VRK3: variants seen among roughly 807,000 people sequenced by gnomAD.
The protein encoded by VRK3 is VRK serine/threonine kinase 3, also known as serine/threonine-protein kinase VRK3.
Under a neutral mutation model 60.4 loss-of-function variants are expected in VRK3, and 50 were observed. The ratio of observed to expected loss-of-function variants is 0.83; its 90% CI spans 0.66 to 1.05. The LOEUF is 1.05. Ranked by LOEUF, VRK3 falls within the 50% of genes least tolerant of loss-of-function variation. The pLI is 0.00. For missense variants in VRK3, 549 were observed against 585.3 expected, an observed-to-expected ratio of 0.94 and a Z score of 0.64; for synonymous variants, 246 against 227.8, an observed-to-expected ratio of 1.08 and a Z score of -0.72.
chr19:50,009,373 CCT>C lies in VRK3; in HGVS notation c.150_151del (p.Gly51AlafsTer6), dbSNP rs1568806997. 4 of 1,613,598 alleles carry C rather than the reference CCT, an allele frequency of 2.5e-6. No individual in the cohort carries two copies. Among genetic ancestry groups the C allele is most frequent in the Non-Finnish European group, 3.4e-6 (4 of 1,179,802 alleles). On this transcript the variant is annotated frameshift_variant, in exon 4 of 15. Transcript: ENST00000316763. LOFTEE classifies it high-confidence loss of function. ...AGAGGTTTCAAAACTGGAGTTCAGC[CCT>C]CTCTTTGAGCCTAAAGAAAGGCAGA...
At chr19:49,993,047 T>G in intron 9 of VRK3, 95 bp from the exon 10 acceptor site, 1 of 1,166,140 alleles carries the variant, frequency 8.6e-7, no homozygotes, top group Non-Finnish European at 1.3e-6. Flanking sequence ...TATTAAGGCC[T>G]GGGGTTGTCC....
chr19:50,007,311 C>T (rs981000163), intron 5 of VRK3, among the ~76,000 whole-genome samples: 1 of 102,482 alleles, frequency 9.8e-6, no homozygotes, highest in Non-Finnish European at 1.9e-5. Flanking sequence ...GAGGGGCACA[C>T]TTCACACAGG....
intron 2 of VRK3, among the ~76,000 whole-genome samples, chr19:50,019,715 C>CTTTTTTTTTTTTTTTTTTTTTTTTTT (rs1225686835): frequency 2.0e-5 from 1 of 50,328 alleles, no homozygotes; most frequent in Non-Finnish European, 4.0e-5. Flanking sequence ...TTTTTTTTTA[C>CTTTTTTTTTTTTTTTTTTTTTTTTTT]TTTTTGTAGA....
At position 50,000,857 on chromosome 19, in the gene VRK3, G is replaced by A. The variant is rs1243677734; in HGVS notation, c.548-3C>T. The A allele has an allele frequency of 1.2e-6, 2 of 1,613,624 alleles. No individual in the cohort carries two copies. Among genetic ancestry groups the A allele is most frequent in the East Asian group, 2.2e-5 (1 of 44,878 alleles). ...GGTGAGGGTGGAGGTGGGTGCAGCT[G>A]TGGGGGAACAAACAAGGGAGTGAGG... is the stretch of plus-strand genomic sequence containing the variant. On this transcript the variant is annotated splice_polypyrimidine_tract_variant and splice_region_variant and intron_variant, in intron 5 of 14. Coordinates refer to ENST00000316763, the MANE Select transcript of VRK3 (RefSeq NM_016440.4).
At position 49,981,592 on chromosome 19, in the gene VRK3, T is replaced by C. The variant is rs371053608; in HGVS notation, c.1218-579A>G. 4 of 623,020 alleles carry C rather than the reference T, an allele frequency of 6.4e-6. No individual in the cohort carries two copies. The East Asian group carries it at 5.5e-4, about 85-fold the overall frequency. The allele number at this position is 623,020 out of a possible 1,614,324, so 38.6% of individuals were successfully genotyped here. A position where few individuals can be genotyped will look rare whatever the true frequency, so the allele number is the denominator to read the frequency against. On this transcript the variant is annotated intron_variant, in intron 12 of 14. Transcript: ENST00000316763. Reference sequence around the variant, plus strand: ...ATACACCTTGTTTTATGTATGTTTCTGTTGAAATACATCTTATGTAATAAG... The same window carrying C: ...ATACACCTTGTTTTATGTATGTTTCCGTTGAAATACATCTTATGTAATAAG...
intron 2 of VRK3, among the ~76,000 whole-genome samples, chr19:50,016,710 G>C (rs1196062768): frequency 6.6e-6 from 1 of 152,176 alleles, no homozygotes; most frequent in Non-Finnish European, 1.5e-5. Context: ...TCTATGCTTT[G>C]CATCTCTCTG....
chr19:49,995,831 C>G (rs1036951507), intron 7 of VRK3, among the ~76,000 whole-genome samples: 1 of 152,218 alleles, frequency 6.6e-6, no homozygotes, highest in Non-Finnish European at 1.5e-5. Flanking sequence ...TCACTGCAAC[C>G]TCCGCTTCCT....
chr19:49,995,891 G>C (rs1025111623), intron 7 of VRK3, among the ~76,000 whole-genome samples: 3 of 152,128 alleles, frequency 2.0e-5, no homozygotes, highest in African/African-American at 7.2e-5. Flanking sequence ...TGGGATTGCA[G>C]GCTTCTGCCA....
rs1205544930 is a variant in VRK3 at position 50,009,397 on chromosome 19, C to T, written c.140-12G>A. 1.2e-6 allele frequency: 2 copies of T among 1,612,624 alleles called. No homozygotes were observed. The highest frequency in any genetic ancestry group is 3.3e-5 in the Admixed American group (2 of 59,936). On this transcript the variant is annotated splice_polypyrimidine_tract_variant and intron_variant, in intron 3 of 14. Coordinates refer to ENST00000316763, the MANE Select transcript of VRK3 (RefSeq NM_016440.4). ...CCCTCTCTTTGAGCCTAAAGAAAGG[C>T]AGACAAAATGCAGACTGGAGTTACA...
chr19:49,991,349 T>C (rs575854380), intron 10 of VRK3, among the ~76,000 whole-genome samples: 3 of 152,302 alleles, frequency 2.0e-5, no homozygotes, highest in African/African-American at 7.2e-5. Context: ...GGTCTTTTCC[T>C]GCCTTTGGAC....
rs1600720235 is a variant in VRK3, at chr19:50,015,801, T to C, written c.139+223A>G. On this transcript the variant is annotated intron_variant, in intron 3 of 14. Transcript: ENST00000316763. The stretch of plus-strand genomic sequence containing the variant: ...CAGGGGAGTCCAGGCTGGCTGGAGA[T>C]AGAAATGAAGGAGATGTTAACATGG... 4 of 588,194 alleles carry C rather than the reference T, an allele frequency of 6.8e-6. No homozygotes were observed. In the South Asian group the frequency reaches 1.0e-4, roughly 15 times the overall value. The allele number at this position is 588,194 out of a possible 1,614,324, so 36.4% of individuals were successfully genotyped here.
At chr19:49,982,631 T>A (rs1046429806) in intron 12 of VRK3, among the ~76,000 whole-genome samples, 7 of 152,208 alleles carry the variant, frequency 4.6e-5, no homozygotes, top group Non-Finnish European at 1.5e-5. Flanking sequence ...TTCTCCACAC[T>A]GTGTCTGTAA....
intron 10 of VRK3, 91 bp downstream of exon 10, chr19:49,992,769 G>A: frequency 8.2e-7 from 1 of 1,226,192 alleles, no homozygotes; most frequent in East Asian, 2.3e-5. Flanking sequence ...TCCTTTGTCT[G>A]TAATAAGCAC....
chr19:49,995,501 T>C (rs924649398), intron 7 of VRK3, among the ~76,000 whole-genome samples: 24 of 152,158 alleles, frequency 1.6e-4, no homozygotes, highest in African/African-American at 4.3e-4. Context: ...GGGGTGATCA[T>C]GGTGGCTCTG....
chr19:50,020,003 T>TCCTGA (rs1277371677), intron 2 of VRK3, among the ~76,000 whole-genome samples: 1 of 151,666 alleles, frequency 6.6e-6, no homozygotes, highest in East Asian at 1.9e-4. Flanking sequence ...CAGTGTCCCA[T>TCCTGA]GTAGCTGGGA....
At chr19:50,016,949 G>T (rs1202690817) in intron 2 of VRK3, among the ~76,000 whole-genome samples, 1 of 138,138 alleles carries the variant, frequency 7.2e-6, no homozygotes, top group Non-Finnish European at 1.5e-5. Context: ...CAGCGCTTTG[G>T]GAGGCCATCA....
chr19:49,988,340 C>A (rs763782387), intron 12 of VRK3, 32 bp downstream of exon 12: 5 of 1,603,094 alleles, frequency 3.1e-6, no homozygotes, highest in Non-Finnish European at 3.4e-6. Flanking sequence ...CTGCTGACCA[C>A]CTGCAGGGGT....
rs77053212 is a variant in VRK3, at chr19:49,983,459, T to C, written c.1218-2446A>G. Among the ~76,000 whole-genome samples the C allele has an allele frequency of 2.8e-3, 434 of 152,296 alleles. 3 individuals carry two copies. The highest frequency in any genetic ancestry group is 9.8e-3 in the African/African-American group (409 of 41,562). On this transcript the variant is annotated intron_variant, in intron 12 of 14. Transcript: ENST00000316763. ...GTCCACAGATGTCCCATGGCGGCCA[T>C]TGACATACATGCGCAGGAAGGCCCG...
At position 50,020,622 on chromosome 19, in the gene VRK3, G is replaced by C. The variant is rs1203923989; in HGVS notation, c.-39C>G. Reference sequence around the variant, plus strand: ...ACGGTCTGGCCCTTGGATTTACTGGGTTGGAAACTCCATCTTGACAGCGAC... The same window carrying C: ...ACGGTCTGGCCCTTGGATTTACTGGCTTGGAAACTCCATCTTGACAGCGAC... On this transcript the variant is annotated 5_prime_UTR_variant, in exon 2 of 15. Coordinates refer to ENST00000316763, the MANE Select transcript of VRK3 (RefSeq NM_016440.4). The C allele has an allele frequency of 6.6e-6, 1 of 152,254 alleles. No homozygotes were observed. The highest frequency in any genetic ancestry group is 6.5e-5 in the Admixed American group (1 of 15,272). The allele number at this position is 152,254 out of a possible 1,614,324, so 9.4% of individuals were successfully genotyped here. A position where few individuals can be genotyped will look rare whatever the true frequency, so the allele number is the denominator to read the frequency against.
Sources: gnomAD v4.1 joint callset for allele counts (sites outside exome capture counted in the v4.1 genomes callset) on GRCh38, gnomAD v4.1.1 for gene constraint, MANE v1.5 for transcripts, NCBI Gene and HGNC (gene_info 2026-07-23, HGNC 2026-07-21) for gene names.